RBMS3: variants seen among roughly 807,000 people sequenced by gnomAD.
The protein encoded by RBMS3 is RNA-binding motif, single-stranded-interacting protein 3.
Under a neutral mutation model 66.8 loss-of-function variants are expected in RBMS3, and 27 were observed. The ratio of observed to expected loss-of-function variants is 0.40; its 90% CI spans 0.30 to 0.56. RBMS3 has a LOEUF of 0.56. RBMS3 is among the 20% of genes least tolerant of loss of function. The probability of loss-of-function intolerance (pLI) is 0.40; values close to 1 mark genes in which losing one functional copy is unlikely to be tolerated. For missense variants in RBMS3, 513 were observed against 549.5 expected, an observed-to-expected ratio of 0.93 and a Z score of 0.66; for synonymous variants, 188 against 183.0, an observed-to-expected ratio of 1.03 and a Z score of -0.22.
intron 10 of RBMS3, among the ~76,000 whole-genome samples, chr3:29,913,626 A>C (rs2060569826): frequency 6.6e-6 from 1 of 151,964 alleles, no homozygotes; most frequent in Non-Finnish European, 1.5e-5. Context: ...AGAGAAAATC[A>C]AGCTAATTAT....
chr3:29,970,839 G>A (rs34244250), intron 12 of RBMS3, among the ~76,000 whole-genome samples: 3,925 of 152,138 alleles, frequency 0.026, 126 homozygotes, highest in East Asian at 0.17. Flanking sequence ...TTCAGGAATC[G>A]AAACATATTG....
Position 29,884,205 on chromosome 3 carries a change from A to G in RBMS3, c.788A>G (p.Asn263Ser). Residue 263 changes from asparagine to serine, a missense_variant, in exon 8 of 15, where the codon AAT becomes AGT. Transcript: ENST00000383767. ...LTYDPTAAIQ[N>S]GFYSSPYSIA... The stretch of plus-strand genomic sequence containing the variant: ...TATGACCCCACAGCTGCCATACAGA[A>G]TGGGTAAGTAGATCACATTTTCTCT... 6.2e-7 allele frequency: 1 copy of G among 1,609,358 alleles called. No homozygotes were observed. The highest frequency in any genetic ancestry group is 8.5e-7 in the Non-Finnish European group (1 of 1,176,306).
At chr3:29,905,777 T>C (rs199955312) in intron 10 of RBMS3, among the ~76,000 whole-genome samples, 11 of 152,244 alleles carry the variant, frequency 7.2e-5, no homozygotes, top group South Asian at 6.2e-4. Context: ...ATAAGTCTTA[T>C]AATATTTTAA....
chr3:29,988,085 A>G, intron 12 of RBMS3, 58 bp from the exon 13 acceptor site: 1 of 1,380,646 alleles, frequency 7.2e-7, no homozygotes, highest in Non-Finnish European at 1.0e-6. Context: ...GGTATTTAAT[A>G]ATTTTCTCAC....
At chr3:29,429,467 C>G (rs924146499) in intron 1 of RBMS3, among the ~76,000 whole-genome samples, 2 of 152,228 alleles carry the variant, frequency 1.3e-5, no homozygotes, top group Non-Finnish European at 2.9e-5. Context: ...GCTACAATGA[C>G]TAAACATCTA....
intron 6 of RBMS3, 134 bp from the exon 7 acceptor site, chr3:29,868,724 G>A: frequency 2.6e-6 from 2 of 768,960 alleles, no homozygotes; most frequent in Non-Finnish European, 4.1e-6. Flanking sequence ...GAGACTAAAA[G>A]GGGGCCAAAT....
intron 4 of RBMS3, among the ~76,000 whole-genome samples, chr3:29,670,292 A>T (rs1232770442): frequency 6.6e-6 from 1 of 152,142 alleles, no homozygotes; most frequent in African/African-American, 2.4e-5. Context: ...TCCAGTTCCA[A>T]GAAGGCCAAA....
intron 4 of RBMS3, among the ~76,000 whole-genome samples, chr3:29,619,721 T>C (rs2048802691): frequency 6.6e-6 from 1 of 152,212 alleles, no homozygotes; most frequent in South Asian, 2.1e-4. Context: ...CTGTGAGATT[T>C]GGGAACATGG....
At chr3:29,925,437 A>AT (rs1189984941) in intron 10 of RBMS3, among the ~76,000 whole-genome samples, 1 of 152,148 alleles carries the variant, frequency 6.6e-6, no homozygotes, top group Non-Finnish European at 1.5e-5. Flanking sequence ...AAGAAAGGGA[A>AT]TTTTTTTGTT....
chr3:29,490,622 C>T (rs2043507697), intron 3 of RBMS3, among the ~76,000 whole-genome samples: 1 of 151,974 alleles, frequency 6.6e-6, no homozygotes. Context: ...TAAGAAAGCC[C>T]AGGGCTACAG....
At chr3:29,366,743 G>A (rs2037931469) in intron 1 of RBMS3, among the ~76,000 whole-genome samples, 1 of 152,074 alleles carries the variant, frequency 6.6e-6, no homozygotes, top group South Asian at 2.1e-4. Flanking sequence ...TGTACAGCCC[G>A]AATAGCAAAT....
intron 6 of RBMS3, among the ~76,000 whole-genome samples, chr3:29,779,256 A>G (rs1002421013): frequency 1.3e-5 from 2 of 151,694 alleles, no homozygotes; most frequent in African/African-American, 2.4e-5. Flanking sequence ...AAGCTGTAAA[A>G]TGATGTTCTT....
rs966341728 is a variant in RBMS3, at chr3:29,380,112, C to T, written c.76-54631C>T. 4.6e-5 allele frequency among the ~76,000 whole-genome samples: 7 copies of T among 151,094 alleles called. No homozygotes were observed. The East Asian group carries it at 1.4e-3, about 29-fold the overall frequency. The stretch of plus-strand genomic sequence containing the variant: ...AGGAAAATTTGTGGCTTTTATGAAG[C>T]TTAAAATAAATAGTGGGTACTCTAT... On this transcript the variant is annotated intron_variant, in intron 1 of 14. Coordinates refer to ENST00000383767, the MANE Select transcript of RBMS3 (RefSeq NM_001003793.3).
chr3:29,965,592 T>C (rs528865164), intron 12 of RBMS3, among the ~76,000 whole-genome samples: 2 of 152,074 alleles, frequency 1.3e-5, no homozygotes, highest in East Asian at 1.9e-4. Context: ...TTTTTCTTAC[T>C]GATTTGTCTG....
intron 6 of RBMS3, among the ~76,000 whole-genome samples, chr3:29,843,311 T>C (rs2058706459): frequency 6.6e-6 from 1 of 152,232 alleles, no homozygotes; most frequent in Non-Finnish European, 1.5e-5. Context: ...CTTATAGAAC[T>C]TAACTCTGTT....
At chr3:29,970,767 C>A (rs922275456) in intron 12 of RBMS3, among the ~76,000 whole-genome samples, 2 of 152,012 alleles carry the variant, frequency 1.3e-5, no homozygotes, top group Non-Finnish European at 2.9e-5. Flanking sequence ...AAAATTTAAT[C>A]TTTTTTCAAT....
At chr3:29,787,365 A>C (rs1260296449) in intron 6 of RBMS3, among the ~76,000 whole-genome samples, 1 of 152,112 alleles carries the variant, frequency 6.6e-6, no homozygotes, top group Non-Finnish European at 1.5e-5. Context: ...TCATTACACA[A>C]AAAAAATACT....
intron 3 of RBMS3, among the ~76,000 whole-genome samples, chr3:29,549,059 G>GTTTTTTT (rs5847579): frequency 2.3e-5 from 2 of 85,360 alleles, no homozygotes; most frequent in African/African-American, 8.8e-5. Context: ...TCCTACTTCT[G>GTTTTTTT]TTTTTTTTTT....
chr3:29,835,375 T>C (rs2058477825), intron 6 of RBMS3, among the ~76,000 whole-genome samples: 1 of 151,980 alleles, frequency 6.6e-6, no homozygotes, highest in Non-Finnish European at 1.5e-5. Context: ...GAATAGATCA[T>C]ATGTTAATCC....
Sources: allele counts gnomAD v4.1 joint callset (sites outside exome capture counted in the v4.1 genomes callset), GRCh38; gene constraint gnomAD v4.1.1; transcripts MANE v1.5; gene names NCBI Gene and HGNC (gene_info 2026-07-23, HGNC 2026-07-21).